STAU1: variants seen among roughly 807,000 people sequenced by gnomAD.
STAU1 encodes double-stranded RNA-binding protein Staufen homolog 1.
A neutral mutation model predicts 62.9 loss-of-function variants in STAU1; 13 were observed. That is an observed-to-expected ratio of 0.21 (90% confidence interval 0.13 to 0.33). STAU1 has a LOEUF of 0.33. STAU1 is among the 10% of genes least tolerant of loss of function. STAU1 has a pLI of 1.00. For missense variants in STAU1, 571 were observed against 712.1 expected, an observed-to-expected ratio of 0.80 and a Z score of 2.25; for synonymous variants, 269 against 265.1, an observed-to-expected ratio of 1.01 and a Z score of -0.14.
chr20:49,156,817 CTTTT>C (rs1049331480), intron 3 of STAU1, among the ~76,000 whole-genome samples: 2 of 151,686 alleles, frequency 1.3e-5, no homozygotes, highest in African/African-American at 4.8e-5. Context: ...CCTTCTTATC[CTTTT>C]TTGTTGTTTT....
At chr20:49,162,644 C>T (rs1022732077) in intron 3 of STAU1, among the ~76,000 whole-genome samples, 4 of 151,356 alleles carry the variant, frequency 2.6e-5, no homozygotes, top group Non-Finnish European at 2.9e-5. Context: ...GGCATGGTGG[C>T]GGGCGCCTGT....
the STAU1 span, among the ~76,000 whole-genome samples, chr20:49,216,388 C>G: frequency 1.3e-5 from 2 of 151,936 alleles, no homozygotes; most frequent in Non-Finnish European, 2.9e-5. Flanking sequence ...ATTGGCCAGG[C>G]ATGGTGGCGG....
chr20:49,194,736 A>C, the STAU1 span, among the ~76,000 whole-genome samples: 9 of 151,666 alleles, frequency 5.9e-5, no homozygotes, highest in Non-Finnish European at 1.3e-4. Flanking sequence ...ACACCACTAC[A>C]CCTGGCTTAT....
At chr20:49,196,656 C>T in the STAU1 span, among the ~76,000 whole-genome samples, 1 of 151,424 alleles carries the variant, frequency 6.6e-6, no homozygotes, top group Admixed American at 6.6e-5. Context: ...ATCCCAGCTC[C>T]TCTCGAGGGG....
In STAU1 at chr20:49,126,661, T is replaced by TA. The variant is rs914521111; in HGVS notation, c.610-2075dup. Among the ~76,000 whole-genome samples the TA allele has an allele frequency of 4.4e-4, 63 of 143,356 alleles. 1 individual carries two copies. The highest frequency in any genetic ancestry group is 1.5e-3 in the African/African-American group (59 of 39,434). 94.0% of individuals were successfully genotyped at this position (143,356 alleles called of 152,430 possible). On this transcript the variant is annotated intron_variant, in intron 6 of 13. Coordinates refer to ENST00000371856, the MANE Select transcript of STAU1 (RefSeq NM_017453.4). Reference sequence around the variant, plus strand: ...CACTCAAAAAGAAAAATAGAAGACTTACACTACCAGATTTTAAAACTTCCT... The same window carrying TA: ...CACTCAAAAAGAAAAATAGAAGACTTAACACTACCAGATTTTAAAACTTCCT...
chr20:49,169,475 T>C (rs906925713), intron 2 of STAU1, among the ~76,000 whole-genome samples: 1 of 152,208 alleles, frequency 6.6e-6, no homozygotes, highest in Non-Finnish European at 1.5e-5. Flanking sequence ...TGCTCAACAG[T>C]ACTGTCCTGA....
the STAU1 span, chr20:49,210,563 A>G: frequency 2.2e-6 from 1 of 454,142 alleles, no homozygotes; most frequent in Non-Finnish European, 4.4e-6. Context: ...GTCAAAAAGC[A>G]CACAGCTGTT....
intron 3 of STAU1, among the ~76,000 whole-genome samples, chr20:49,162,271 T>G (rs1479387311): frequency 6.6e-6 from 1 of 152,196 alleles, no homozygotes; most frequent in Non-Finnish European, 1.5e-5. Context: ...ACACCAGAAT[T>G]CATTAGAAGA....
intron 5 of STAU1, among the ~76,000 whole-genome samples, chr20:49,147,946 A>C (rs1386963027): frequency 1.3e-5 from 2 of 152,248 alleles, no homozygotes; most frequent in Non-Finnish European, 2.9e-5. Flanking sequence ...ATATACACCA[A>C]ATGGTTACAG....
At chr20:49,124,641 C>T in intron 6 of STAU1, 54 bp from the exon 7 acceptor site, 1 of 1,585,162 alleles carries the variant, frequency 6.3e-7, no homozygotes, top group Non-Finnish European at 8.6e-7. Flanking sequence ...TTAAAAGCTC[C>T]AAGGCACACT....
intron 13 of STAU1, 132 bp downstream of exon 13, chr20:49,115,650 C>T: frequency 1.2e-6 from 1 of 807,584 alleles, no homozygotes; most frequent in Non-Finnish European, 2.1e-6. Flanking sequence ...ATCTGGAAAA[C>T]TTTCAGGCAA....
rs145969529 is a variant in STAU1 at position 49,124,528 on chromosome 20, C to T, written c.669G>A (p.Gly223=). The T allele has an allele frequency of 1.7e-5, 28 of 1,613,934 alleles. No individual in the cohort carries two copies. In the African/African-American group the frequency reaches 3.3e-4, roughly 19 times the overall value. The change falls in exon 7 of 14, where the codon GGG becomes GGA. Residue 223 remains glycine (G), a synonymous_variant. Coordinates refer to ENST00000371856, the MANE Select transcript of STAU1 (RefSeq NM_017453.4). ...TCCCTTCACCTTCCCCCACAAACTCCCCAACCGAAACCTTGGTCACAAAGT... is the reference window on the plus strand; with the variant it reads ...TCCCTTCACCTTCCCCCACAAACTCTCCAACCGAAACCTTGGTCACAAAGT... ...MKNFVTKVSV[G]EFVGEGEGKS...
intron 3 of STAU1, chr20:49,158,926 A>AATAC (rs1202478686): frequency 8.0e-7 from 1 of 1,248,722 alleles, no homozygotes; most frequent in East Asian, 6.0e-5. Flanking sequence ...TAAATAAATA[A>AATAC]ATAATCCTTT....
intron 6 of STAU1, among the ~76,000 whole-genome samples, chr20:49,125,214 A>AAAACAAAACAAAAAAAAAAAC (rs1424641780): frequency 6.8e-6 from 1 of 146,054 alleles, no homozygotes; most frequent in African/African-American, 2.5e-5. Context: ...AAAAAAAAAA[A>AAAACAAAACAAAAAAAAAAAC]AAAAAAAAAA....
chr20:49,117,468 C>A lies in STAU1; in HGVS notation c.1510-220G>T, dbSNP rs964804396. ...TGGGAGAAGCCATATCCTTTCCTAC[C>A]AGACAGAAAGTGTCAGCACGATGAG... On this transcript the variant is annotated intron_variant, in intron 11 of 13. Coordinates refer to ENST00000371856, the MANE Select transcript of STAU1 (RefSeq NM_017453.4). The surrounding 1 kb of genome is among the most constrained non-coding windows in gnomAD (Gnocchi z 4.6). Among the ~76,000 whole-genome samples, 4 of 152,170 alleles carry A rather than the reference C, an allele frequency of 2.6e-5. No homozygotes were observed. The highest frequency in any genetic ancestry group is 9.7e-5 in the African/African-American group (4 of 41,432).
intron 13 of STAU1, 69 bp downstream of exon 13, chr20:49,115,713 T>C: frequency 7.5e-7 from 1 of 1,341,174 alleles, no homozygotes; most frequent in South Asian, 1.2e-5. Context: ...CAGCAGATAG[T>C]GTAAACTCAA....
intron 6 of STAU1, among the ~76,000 whole-genome samples, chr20:49,131,325 T>C (rs1233282470): frequency 1.3e-5 from 2 of 152,162 alleles, no homozygotes; most frequent in East Asian, 1.9e-4. Context: ...AAGGACATCA[T>C]TGAGACAACT....
chr20:49,195,900 AAAAAAAAAAAAAAAAAAGAAAAAAG>A, the STAU1 span, among the ~76,000 whole-genome samples: 1 of 42,058 alleles, frequency 2.4e-5, no homozygotes, highest in Non-Finnish European at 6.7e-5. Context: ...CTTCCTCTCA[AAAAAAAAAAAAAAAAAAGAAAAAAG>A]AAAAAAAAAA....
chr20:49,190,905 ATT>A (rs11477133), upstream of STAU1, among the ~76,000 whole-genome samples: 50 of 140,276 alleles, frequency 3.6e-4, no homozygotes, highest in Middle Eastern at 3.7e-3. Context: ...GAGATGCTGA[ATT>A]TTTTTTTTTT....
Sources: gnomAD v4.1 joint callset for allele counts (sites outside exome capture counted in the v4.1 genomes callset) on GRCh38, gnomAD v4.1.1 for gene constraint, Gnocchi (gnomAD v3.1) non-coding constraint, MANE v1.5 for transcripts, NCBI Gene and HGNC (gene_info 2026-07-23, HGNC 2026-07-21) for gene names.